Variants in INTS5 observed in about 807,000 individuals in gnomAD.
The protein encoded by INTS5 is integrator complex subunit 5.
In INTS5, 29 loss-of-function variants were observed where a neutral mutation model predicts 60.0. That is an observed-to-expected ratio of 0.48 (90% confidence interval 0.36 to 0.66). The LOEUF (loss-of-function observed/expected upper bound fraction) is 0.66, where lower values mean the gene tolerates loss of function less well. INTS5 is among the 30% of genes least tolerant of loss of function. The probability of loss-of-function intolerance (pLI) is 0.00; values close to 1 mark genes in which losing one functional copy is unlikely to be tolerated. For synonymous variants in INTS5, 588 were observed against 558.8 expected (o/e 1.05, Z -0.74); for missense variants, 1,129 against 1,307.9 (o/e 0.86, Z 2.11).
In INTS5 at chr11:62,648,669, C is replaced by T; in HGVS notation, c.1411G>A (p.Val471Met). ...TTTTTGAGCGCATCTAAAAAGGGCACCAAGCGGGGAGGTGGGGGCGGGCCT... is the reference window on the plus strand; with the variant it reads ...TTTTTGAGCGCATCTAAAAAGGGCATCAAGCGGGGAGGTGGGGGCGGGCCT... The part of the protein sequence containing the change: ...VLGPPPPPRL[V>M]PFLDALKNHV... The change falls in exon 2 of 2, where the codon GTG (valine) becomes ATG (methionine). Residue 471 changes from valine to methionine, a missense_variant. Physicochemically the swap from Val to Met is conservative, Grantham distance 21. Transcript: ENST00000330574. This position sits in a 1 kb window ranked among gnomAD's most constrained non-coding sequence, Gnocchi z 4.4. 6.2e-7 allele frequency: 1 copy of T among 1,614,048 alleles called. No individual in the cohort carries two copies. Among genetic ancestry groups the T allele is most frequent in the African/African-American group, 1.3e-5 (1 of 75,056 alleles).
chr11:62,647,583 G>A lies in INTS5; in HGVS notation c.2497C>T (p.Pro833Ser), dbSNP rs767850224. Reference protein sequence around the residue: ...DAAGAELAWPPEEHARATVER... With the variant: ...DAAGAELAWPSEEHARATVER... ...ACGGTGGCCCGGGCGTGTTCCTCGG[G>A]GGGCCAGGCCAGCTCTGCACCAGCT... The change falls in exon 2 of 2, where the codon CCC becomes TCC. Residue 833 changes from proline to serine, a missense_variant. Pro to Ser is a moderately conservative substitution (Grantham distance 74, BLOSUM62 -1). Around this residue, in one of 3 missense-constraint regions of INTS5, gnomAD observed 1,070 missense variants for 1,246.1 expected, o/e 0.86. Transcript: ENST00000330574. 2 of 1,613,964 alleles carry A rather than the reference G, an allele frequency of 1.2e-6. No individual in the cohort carries two copies. The highest frequency in any genetic ancestry group is 1.7e-5 in the Admixed American group (1 of 60,032).
intron 1 of INTS5, among the ~76,000 whole-genome samples, chr11:62,651,221 C>A (rs1330246869): frequency 6.6e-6 from 1 of 152,136 alleles, no homozygotes; most frequent in Non-Finnish European, 1.5e-5. Flanking sequence ...CGCCATTCTC[C>A]TGCCTCAGCC....
chr11:62,651,461 A>G (rs1418786598), intron 1 of INTS5, among the ~76,000 whole-genome samples: 1 of 152,178 alleles, frequency 6.6e-6, no homozygotes, highest in Non-Finnish European at 1.5e-5. Context: ...TCAGCAACAG[A>G]TAACTCTTAG....
rs750403759 is a variant in INTS5 at position 62,648,879 on chromosome 11, C to A, written c.1201G>T (p.Ala401Ser). 6.2e-7 allele frequency: 1 copy of A among 1,613,840 alleles called. No homozygotes were observed. The highest frequency in any genetic ancestry group is 8.5e-7 in the Non-Finnish European group (1 of 1,179,992). The change falls in exon 2 of 2, where the codon GCA becomes TCA. Residue 401 changes from alanine to serine, a missense_variant. By Grantham distance (99) the Ala-to-Ser change is moderately conservative. Around this residue, in one of 3 missense-constraint regions of INTS5, gnomAD observed 1,070 missense variants for 1,246.1 expected, o/e 0.86. Transcript: ENST00000330574. This position sits in a 1 kb window ranked among gnomAD's most constrained non-coding sequence, Gnocchi z 4.4. ...AVHLVSQASG[A>S]GAYRLLQFLV... Reference sequence around the variant, plus strand: ...AACTGCAGCAAGCGGTAGGCACCTGCCCCAGAGGCCTGGCTCACCAGGTGC... The same window carrying A: ...AACTGCAGCAAGCGGTAGGCACCTGACCCAGAGGCCTGGCTCACCAGGTGC...
Position 62,647,479 on chromosome 11 carries a change from T to A in INTS5, c.2601A>T (p.Ala867=). Residue 867 remains alanine (A), a synonymous_variant, in exon 2 of 2, where the codon GCA becomes GCT. Transcript: ENST00000330574. ...CGGAACAGTAGCACAGGGCTGGGGG[T>A]GCAGCTGCTACCAGCTTTAACAGCT... ...LFELLKLVAA[A]PPALCYCSVL... The A allele has an allele frequency of 6.2e-7, 1 of 1,604,258 alleles. No homozygotes were observed. Among genetic ancestry groups the A allele is most frequent in the Non-Finnish European group, 8.5e-7 (1 of 1,173,874 alleles).
Position 62,649,383 on chromosome 11 carries a change from A to T in INTS5, c.697T>A (p.Ser233Thr). 3 of 1,614,222 alleles carry T rather than the reference A, an allele frequency of 1.9e-6. No individual in the cohort carries two copies. The highest frequency in any genetic ancestry group is 2.5e-6 in the Non-Finnish European group (3 of 1,180,044). ...CGGGAAATGATGGTGCCAGGAAAAG[A>T]GGAGCCAATATGTGCCACAACCCAG... ...FDWVVAHIGSSFPGTIISRVL... is the reference protein window; with the variant it reads ...FDWVVAHIGSTFPGTIISRVL... Residue 233 changes from serine (S) to threonine (T), a missense_variant, in exon 2 of 2, where the codon TCT (serine) becomes ACT (threonine). Transcript: ENST00000330574. The surrounding 1 kb of genome is among the most constrained non-coding windows in gnomAD (Gnocchi z 6.0).
Position 62,648,269 on chromosome 11 carries a change from G to A in INTS5, c.1811C>T (p.Ser604Leu), listed in dbSNP as rs750635586. Residue 604 changes from serine to leucine, a missense_variant, in exon 2 of 2, where the codon TCA becomes TTA. Coordinates refer to ENST00000330574, the MANE Select transcript of INTS5 (RefSeq NM_030628.2). This position sits in a 1 kb window ranked among gnomAD's most constrained non-coding sequence, Gnocchi z 4.4. The part of the protein sequence containing the change: ...ALGAHFGESA[S>L]AHLSDLAPLL... ...AGGAGCCAGGTCAGACAGATGGGCT[G>A]AGGCAGATTCCCCAAAGTGCGCCCC... 1.2e-6 allele frequency: 2 copies of A among 1,613,842 alleles called. No individual in the cohort carries two copies. Among genetic ancestry groups the A allele is most frequent in the East Asian group, 2.2e-5 (1 of 44,890 alleles).
At position 62,647,247 on chromosome 11, in the gene INTS5, T is replaced by C. The variant is rs1440860041; in HGVS notation, c.2833A>G (p.Ser945Gly). The C allele has an allele frequency of 1.9e-6, 3 of 1,614,192 alleles. No individual in the cohort carries two copies. The highest frequency in any genetic ancestry group is 2.5e-6 in the Non-Finnish European group (3 of 1,180,036). ...APFEVRLLLL[S>G]VWGFLREHGP... ...TGCTCCCGGAGAAAACCCCAGACAC[T>C]GAGCAGCAGCAGACGCACCTCGAAA... Residue 945 changes from serine to glycine, a missense_variant, in exon 2 of 2, where the codon AGT (serine) becomes GGT (glycine). Around this residue, in one of 3 missense-constraint regions of INTS5, gnomAD observed 1,070 missense variants for 1,246.1 expected, o/e 0.86. Coordinates refer to ENST00000330574, the MANE Select transcript of INTS5 (RefSeq NM_030628.2).
At chr11:62,652,339 C>T (rs1193859648) in intron 1 of INTS5, among the ~76,000 whole-genome samples, 1 of 151,460 alleles carries the variant, frequency 6.6e-6, no homozygotes. Flanking sequence ...AAAAAAAACA[C>T]ACCTTTCCAC....
Position 62,653,037 on chromosome 11 carries a change from T to A in INTS5, c.80+133A>T, listed in dbSNP as rs576759654. The A allele has an allele frequency of 7.0e-5, 38 of 544,514 alleles. No homozygotes were observed. In the African/African-American group the frequency reaches 7.2e-4, roughly 10 times the overall value. 33.7% of individuals were successfully genotyped at this position (544,514 alleles called of 1,614,324 possible). ...AGTTTTGGTGAAGCAGTCCCTGAGT[T>A]CTGGGAGGACCTGACCAAGAATCTG... On this transcript the variant is annotated intron_variant, in intron 1 of 1. Transcript: ENST00000330574.
At chr11:62,650,393 G>A (rs989269896) in intron 1 of INTS5, among the ~76,000 whole-genome samples, 11 of 151,810 alleles carry the variant, frequency 7.2e-5, no homozygotes, top group Admixed American at 4.6e-4. Flanking sequence ...TGGGATTACA[G>A]GCGTGAGCCA....
chr11:62,647,277 C>A lies in INTS5; in HGVS notation c.2803G>T (p.Ala935Ser). Residue 935 changes from alanine (A) to serine (S), a missense_variant, in exon 2 of 2, where the codon GCA becomes TCA. This residue lies in a region of INTS5 where 1,070 missense variants were observed against 1,246.1 expected (regional missense o/e 0.86). Coordinates refer to ENST00000330574, the MANE Select transcript of INTS5 (RefSeq NM_030628.2). Reference protein sequence around the residue: ...GNMHEVFSQLAPFEVRLLLLS... With the variant: ...GNMHEVFSQLSPFEVRLLLLS... ...AGCAGCAGACGCACCTCGAAAGGTG[C>A]CAGTTGGCTAAATACTTCATGCATA... 6.2e-7 allele frequency: 1 copy of A among 1,614,208 alleles called. No individual in the cohort carries two copies. The highest frequency in any genetic ancestry group is 1.1e-5 in the South Asian group (1 of 91,090).
rs1324686570 is a variant in INTS5, at chr11:62,653,279, A to T, written c.-30T>A. 2 of 1,237,606 alleles carry T rather than the reference A, an allele frequency of 1.6e-6. No individual in the cohort carries two copies. Among genetic ancestry groups the T allele is most frequent in the Non-Finnish European group, 2.0e-6 (2 of 983,392 alleles). The allele number at this position is 1,237,606 out of a possible 1,614,324, so 76.7% of individuals were successfully genotyped here. The stretch of plus-strand genomic sequence containing the variant: ...GAGCCCGAGCCGAGCCCGAGGCGCG[A>T]GCGGCGGAGCGCAGGCGGCGCATGC... On this transcript the variant is annotated 5_prime_UTR_variant, in exon 1 of 2. Coordinates refer to ENST00000330574, the MANE Select transcript of INTS5 (RefSeq NM_030628.2).
chr11:62,649,894 C>T lies in INTS5; in HGVS notation c.186G>A (p.Leu62=). Residue 62 remains leucine (L), a synonymous_variant, in exon 2 of 2, where the codon CTG becomes CTA. Coordinates refer to ENST00000330574, the MANE Select transcript of INTS5 (RefSeq NM_030628.2). This position sits in a 1 kb window ranked among gnomAD's most constrained non-coding sequence, Gnocchi z 6.0. ...CCCGAGCAGGTGGCAAAGAACGGAG[C>T]AGGAGAAGACCACAGCGAGCATGTT... ...AREHARCGLL[L]LRSLPPARAA... 1.2e-6 allele frequency: 2 copies of T among 1,614,180 alleles called. No individual in the cohort carries two copies. Among genetic ancestry groups the T allele is most frequent in the African/African-American group, 2.7e-5 (2 of 75,042 alleles).
rs774865544 is a variant in INTS5, at chr11:62,647,704, G to A, written c.2376C>T (p.Gly792=). Residue 792 remains glycine (G), a synonymous_variant, in exon 2 of 2, where the codon GGC becomes GGT. Coordinates refer to ENST00000330574, the MANE Select transcript of INTS5 (RefSeq NM_030628.2). ...CCCCCCAGCATTCCCCACATTCAGT[G>A]CCCCCTGGGGCACTGCAGCAGTGAA... ...LLVHCCSAPG[G]TECGECWGAP... is the part of the protein sequence containing the mutation. 3.1e-5 allele frequency: 50 copies of A among 1,614,058 alleles called. No homozygotes were observed. Among genetic ancestry groups the A allele is most frequent in the Non-Finnish European group, 1.1e-5 (13 of 1,180,048 alleles).
In INTS5 at chr11:62,653,300, C is replaced by T. The variant is rs1186809769; in HGVS notation, c.-51G>A. ...CGCGAGCGGCGGAGCGCAGGCGGCG[C>T]ATGCGCGCTGACAGGAAACGCGAAA... On this transcript the variant is annotated 5_prime_UTR_variant, in exon 1 of 2. It removes an upstream start codon present in the reference 5' UTR. Transcript: ENST00000330574. 5 of 1,199,000 alleles carry T rather than the reference C, an allele frequency of 4.2e-6. No individual in the cohort carries two copies. Among genetic ancestry groups the T allele is most frequent in the East Asian group, 3.2e-5 (1 of 31,354 alleles). 74.3% of individuals were successfully genotyped at this position (1,199,000 alleles called of 1,614,324 possible). A position where few individuals can be genotyped will look rare whatever the true frequency, so the allele number is the denominator to read the frequency against.
At chr11:62,650,655 G>A (rs190127328) in intron 1 of INTS5, among the ~76,000 whole-genome samples, 44 of 151,994 alleles carry the variant, frequency 2.9e-4, no homozygotes, top group East Asian at 1.6e-3. Context: ...CAAGTAATCC[G>A]CCCACTTCAG....
Position 62,647,385 on chromosome 11 carries a change from G to A in INTS5, c.2695C>T (p.His899Tyr), listed in dbSNP as rs754101942. The A allele has an allele frequency of 3.7e-6, 6 of 1,612,996 alleles. No individual in the cohort carries two copies. The Admixed American group carries it at 8.3e-5, about 22-fold the overall frequency. The part of the protein sequence containing the change: ...WEASRHPDTT[H>Y]SPWHLEASCT... ...GATGCCTCCAGGTGCCAGGGGGAGT[G>A]GGTCGTGTCAGGGTGGCGAGAGGCT... Residue 899 changes from histidine to tyrosine, a missense_variant, in exon 2 of 2, where the codon CAC becomes TAC. This residue lies in a region of INTS5 where 1,070 missense variants were observed against 1,246.1 expected (regional missense o/e 0.86). Transcript: ENST00000330574.
Position 62,653,285 on chromosome 11 carries a change from G to T in INTS5, c.-36C>A, listed in dbSNP as rs890063498. On this transcript the variant is annotated 5_prime_UTR_variant, in exon 1 of 2. Coordinates refer to ENST00000330574, the MANE Select transcript of INTS5 (RefSeq NM_030628.2). ...GAGCCGAGCCCGAGGCGCGAGCGGC[G>T]GAGCGCAGGCGGCGCATGCGCGCTG... 2 of 1,233,594 alleles carry T rather than the reference G, an allele frequency of 1.6e-6. No individual in the cohort carries two copies. The highest frequency in any genetic ancestry group is 2.0e-6 in the Non-Finnish European group (2 of 980,204). The allele number at this position is 1,233,594 out of a possible 1,614,324, so 76.4% of individuals were successfully genotyped here.
Sources: allele counts gnomAD v4.1 joint callset (sites outside exome capture counted in the v4.1 genomes callset), GRCh38; gene constraint gnomAD v4.1.1; regional missense constraint gnomAD v4.1.1; non-coding constraint Gnocchi (gnomAD v3.1); transcripts MANE v1.5; gene names NCBI Gene and HGNC (gene_info 2026-07-23, HGNC 2026-07-21).